The following ZNF623 variants were observed in gnomAD, a reference collection of about 807,000 sequenced individuals.
The protein encoded by ZNF623 is zinc finger protein 623.
Under a neutral mutation model 24.0 loss-of-function variants are expected in ZNF623, and 16 were observed. The observed-to-expected ratio is 0.67, with a 90% CI of 0.45 to 1.01. The LOEUF (loss-of-function observed/expected upper bound fraction) is 1.01. Ranked by LOEUF, ZNF623 falls within the 50% of genes least tolerant of loss-of-function variation. The pLI is 0.00. For synonymous variants in ZNF623, 224 were observed against 219.8 expected (o/e 1.02, Z -0.17); for missense variants, 566 against 606.5 (o/e 0.93, Z 0.70).
At chr8:143,643,924 C>A (rs1320980466) in intron 1 of ZNF623, among the ~76,000 whole-genome samples, 1 of 152,170 alleles carries the variant, frequency 6.6e-6, no homozygotes, top group Non-Finnish European at 1.5e-5. Context: ...GCAGGGTAGG[C>A]TTGCAGTTTC....
At chr8:143,638,848 A>G (rs1338892248) in intron 1 of ZNF623, among the ~76,000 whole-genome samples, 1 of 152,138 alleles carries the variant, frequency 6.6e-6, no homozygotes, top group East Asian at 1.9e-4. Flanking sequence ...AGAAGGTATC[A>G]ACTGAGTTCC....
chr8:143,648,460 G>A (rs917170154), intron 1 of ZNF623, among the ~76,000 whole-genome samples: 26 of 152,064 alleles, frequency 1.7e-4, no homozygotes, highest in Non-Finnish European at 2.2e-4. Flanking sequence ...GAAATCGAGC[G>A]TGGGGTGGGG....
At position 143,651,338 on chromosome 8, in the gene ZNF623, G is replaced by A. The variant is rs149983887; in HGVS notation, c.1346G>A (p.Cys449Tyr). 59 of 1,614,092 alleles carry A rather than the reference G, an allele frequency of 3.7e-5. No individual in the cohort carries two copies. The African/African-American group carries it at 7.3e-4, about 20-fold the overall frequency. The change falls in exon 2 of 2, where the codon TGT becomes TAT. Residue 449 changes from cysteine to tyrosine, a missense_variant. This residue lies in a region of ZNF623 where 136 missense variants were observed against 131.9 expected (regional missense o/e 1.03). Coordinates refer to ENST00000526926, the MANE Select transcript of ZNF623 (RefSeq NM_001261843.2). ...KIHTEEKLYECSQYGRDFNST... is the reference protein window; with the variant it reads ...KIHTEEKLYEYSQYGRDFNST... ...CATACTGAAGAGAAGCTCTATGAAT[G>A]TAGTCAGTATGGGAGAGATTTTAAC...
At chr8:143,647,801 GAAGT>G (rs1815207748) in intron 1 of ZNF623, among the ~76,000 whole-genome samples, 1 of 152,172 alleles carries the variant, frequency 6.6e-6, no homozygotes, top group Non-Finnish European at 1.5e-5. Flanking sequence ...GAGAAGGGGA[GAAGT>G]AAGCAGGTGG....
At chr8:143,647,591 C>T (rs146472996) in intron 1 of ZNF623, among the ~76,000 whole-genome samples, 16 of 152,154 alleles carry the variant, frequency 1.1e-4, no homozygotes, top group East Asian at 7.7e-4. Flanking sequence ...GCAAAGGCTC[C>T]GAGGGGGCAG....
intron 1 of ZNF623, among the ~76,000 whole-genome samples, chr8:143,648,971 C>G (rs1815231283): frequency 6.6e-6 from 1 of 151,930 alleles, no homozygotes; most frequent in African/African-American, 2.4e-5. Flanking sequence ...GCAAGCAGCT[C>G]TGAATTTAAA....
chr8:143,638,787 AT>A (rs1814982978), intron 1 of ZNF623, among the ~76,000 whole-genome samples: 1 of 152,150 alleles, frequency 6.6e-6, no homozygotes, highest in Non-Finnish European at 1.5e-5. Context: ...ATAAAAAAAA[AT>A]AAACAGCTTG....
In ZNF623 at chr8:143,649,933, G is replaced by A; in HGVS notation, c.-60G>A. The A allele has an allele frequency of 6.2e-7, 1 of 1,613,536 alleles. No individual in the cohort carries two copies. Among genetic ancestry groups the A allele is most frequent in the South Asian group, 1.1e-5 (1 of 91,066 alleles). On this transcript the variant is annotated 5_prime_UTR_variant, in exon 2 of 2. Transcript: ENST00000526926. The stretch of plus-strand genomic sequence containing the variant: ...AGGAACTGGTGAGAAGAAGGTGACT[G>A]AAGCCTGGATTTCTGAGGATGAAAA...
intron 1 of ZNF623, among the ~76,000 whole-genome samples, chr8:143,645,005 A>G (rs1441959666): frequency 1.3e-5 from 2 of 151,992 alleles, no homozygotes; most frequent in Non-Finnish European, 2.9e-5. Flanking sequence ...GCGCAAGCCT[A>G]TAATCCCAGC....
At chr8:143,646,532 CT>C (rs1203668962) in intron 1 of ZNF623, among the ~76,000 whole-genome samples, 1 of 136,200 alleles carries the variant, frequency 7.3e-6, no homozygotes, top group Non-Finnish European at 1.5e-5. Context: ...AGTTTGTTGC[CT>C]GTGGGGTGTG....
At chr8:143,645,407 G>A (rs1815154757) in intron 1 of ZNF623, among the ~76,000 whole-genome samples, 1 of 149,264 alleles carries the variant, frequency 6.7e-6, no homozygotes, top group South Asian at 2.2e-4. Flanking sequence ...ACTCCAGCCT[G>A]GGCAACAGAT....
intron 1 of ZNF623, among the ~76,000 whole-genome samples, chr8:143,637,710 C>T (rs553815092): frequency 6.6e-6 from 1 of 152,200 alleles, no homozygotes; most frequent in South Asian, 2.1e-4. Flanking sequence ...GCACCACGTC[C>T]GGCTAATTTT....
intron 1 of ZNF623, among the ~76,000 whole-genome samples, chr8:143,648,854 TG>T (rs986152922): frequency 2.2e-4 from 34 of 151,660 alleles, no homozygotes; most frequent in African/African-American, 8.2e-4. Flanking sequence ...AGGTCACCAG[TG>T]GGGAGGGAGG....
intron 1 of ZNF623, among the ~76,000 whole-genome samples, chr8:143,645,264 AC>A (rs760787144): frequency 1.6e-4 from 25 of 152,036 alleles, no homozygotes; most frequent in Non-Finnish European, 1.8e-4. Context: ...TAACGGTGAA[AC>A]CCCGTCTCTC....
chr8:143,641,107 CCT>C (rs1320910327), intron 1 of ZNF623, among the ~76,000 whole-genome samples: 3 of 152,092 alleles, frequency 2.0e-5, no homozygotes, highest in African/African-American at 7.2e-5. Context: ...GTCTCAAACC[CCT>C]CAAAGATTCA....
At chr8:143,641,386 C>G (rs1424523429) in intron 1 of ZNF623, among the ~76,000 whole-genome samples, 1 of 151,968 alleles carries the variant, frequency 6.6e-6, no homozygotes, top group East Asian at 1.9e-4. Flanking sequence ...ACATCAGTCT[C>G]CCTGTTCATC....
intron 1 of ZNF623, among the ~76,000 whole-genome samples, chr8:143,646,405 T>C (rs1332491793): frequency 2.0e-5 from 3 of 152,146 alleles, no homozygotes; most frequent in South Asian, 2.1e-4. Context: ...ACAGCAGATA[T>C]TGATGAAATG....
At chr8:143,647,148 T>G (rs982862120) in intron 1 of ZNF623, among the ~76,000 whole-genome samples, 4 of 131,808 alleles carry the variant, frequency 3.0e-5, no homozygotes, top group Non-Finnish European at 3.0e-5. Context: ...TGCCTTGCTG[T>G]TTTTTTTTTT....
At position 143,652,605 on chromosome 8, in the gene ZNF623, T is replaced by G. The variant is rs1815360731; in HGVS notation, c.*1122T>G. ...CTCCTGTGTGCCACCTTACAGCTCA[T>G]GCAGAACTGTCTACTTGATCTGGAG... On this transcript the variant is annotated 3_prime_UTR_variant, in exon 2 of 2. Coordinates refer to ENST00000526926, the MANE Select transcript of ZNF623 (RefSeq NM_001261843.2). 1 of 167,136 alleles carries G rather than the reference T, an allele frequency of 6.0e-6. No individual in the cohort carries two copies. Among genetic ancestry groups the G allele is most frequent in the Non-Finnish European group, 1.5e-5 (1 of 68,134 alleles). 10.4% of individuals were successfully genotyped at this position (167,136 alleles called of 1,614,324 possible).
Sources: allele counts gnomAD v4.1 joint callset (sites outside exome capture counted in the v4.1 genomes callset), GRCh38; gene constraint gnomAD v4.1.1; regional missense constraint gnomAD v4.1.1; transcripts MANE v1.5; gene names NCBI Gene and HGNC (gene_info 2026-07-23, HGNC 2026-07-21).